LAP3: variants seen among roughly 807,000 people sequenced by gnomAD.
The protein encoded by LAP3 is cytosol aminopeptidase.
In LAP3, 46 loss-of-function variants were observed where a neutral mutation model predicts 58.8. The ratio of observed to expected loss-of-function variants is 0.78; its 90% confidence interval spans 0.62 to 1.00. The LOEUF is 1.00. LAP3 is among the 50% of genes least tolerant of loss of function. The pLI, the probability that LAP3 is intolerant of heterozygous loss-of-function variation, is 0.00. For synonymous variants in LAP3, 257 were observed against 237.7 expected, an observed-to-expected ratio of 1.08 and a Z score of -0.75; for missense variants, 615 against 659.1, an observed-to-expected ratio of 0.93 and a Z score of 0.73.
intron 10 of LAP3, among the ~76,000 whole-genome samples, chr4:17,600,409 TG>T (rs969685175): frequency 2.0e-5 from 2 of 100,160 alleles, no homozygotes; most frequent in African/African-American, 4.6e-5. Context: ...GCTTCTAGGG[TG>T]GGGGGTTGGG....
In LAP3 at chr4:17,598,540, A is replaced by G. The variant is rs770498565; in HGVS notation, c.1162A>G (p.Asn388Asp). Residue 388 changes from asparagine (N) to aspartate (D), a missense_variant, in exon 10 of 13, where the codon AAT becomes GAT. Transcript: ENST00000226299. ...AHTFNPKVIL[N>D]AATLTGAMDV... Reference sequence around the variant, plus strand: ...CACGTTTAACCCGAAGGTCATCCTCAATGCCGCCACCTTAACAGGTCAGAC... The same window carrying G: ...CACGTTTAACCCGAAGGTCATCCTCGATGCCGCCACCTTAACAGGTCAGAC... The G allele has an allele frequency of 1.9e-6, 3 of 1,613,844 alleles. No homozygotes were observed. The highest frequency in any genetic ancestry group is 2.5e-6 in the Non-Finnish European group (3 of 1,179,768).
chr4:17,607,317 T>G, intron 12 of LAP3, 83 bp from the exon 13 acceptor site: 1 of 1,186,188 alleles, frequency 8.4e-7, no homozygotes, highest in Middle Eastern at 2.0e-4. Flanking sequence ...TGTTCTTTGG[T>G]TATAGAATGT....
chr4:17,607,045 T>C, intron 12 of LAP3, 107 bp downstream of exon 12: 1 of 688,848 alleles, frequency 1.5e-6, no homozygotes, highest in Non-Finnish European at 2.4e-6. Flanking sequence ...TTTAATTTCC[T>C]TTTGGTGTAG....
At chr4:17,602,470 A>T (rs1714005096) in intron 10 of LAP3, among the ~76,000 whole-genome samples, 1 of 152,242 alleles carries the variant, frequency 6.6e-6, no homozygotes, top group Non-Finnish European at 1.5e-5. Context: ...ATGTAAAAAT[A>T]GAAGTCAGCC....
intron 4 of LAP3, 60 bp from the exon 5 acceptor site, chr4:17,583,423 G>A (rs1713416393): frequency 1.3e-6 from 2 of 1,592,018 alleles, no homozygotes; most frequent in Admixed American, 3.4e-5. Context: ...TGCCTCTGCT[G>A]TCTGCTCTTT....
At chr4:17,595,111 A>C (rs1399088959) in intron 7 of LAP3, among the ~76,000 whole-genome samples, 2 of 149,018 alleles carry the variant, frequency 1.3e-5, no homozygotes, top group Non-Finnish European at 3.0e-5. Flanking sequence ...ATCCTGGCTA[A>C]CAAGGTGAAA....
Position 17,577,484 on chromosome 4 carries a change from C to A in LAP3, c.19C>A (p.Pro7Thr). Residue 7 changes from proline (P) to threonine (T), a missense_variant, in exon 1 of 13, where the codon CCG becomes ACG. Pro to Thr is a conservative substitution (Grantham distance 38). Coordinates refer to ENST00000226299, the MANE Select transcript of LAP3 (RefSeq NM_015907.3). ...CGACAAGATGTTCTTGCTGCCTCTT[C>A]CGGCTGCGGGGCGAGTAGTCGTCCG... is the stretch of plus-strand genomic sequence containing the variant. Reference protein sequence around the residue: MFLLPLPAAGRVVVRRL... With the variant: MFLLPLTAAGRVVVRRL... 5 of 1,581,504 alleles carry A rather than the reference C, an allele frequency of 3.2e-6. No homozygotes were observed. In the South Asian group the frequency reaches 5.8e-5, roughly 18 times the overall value.
rs113805505 is a variant in LAP3 at position 17,607,256 on chromosome 4, T to G, written c.1371-144T>G. 4 of 643,774 alleles carry G rather than the reference T, an allele frequency of 6.2e-6. No homozygotes were observed. The South Asian group carries it at 6.7e-5, about 11-fold the overall frequency. The allele number at this position is 643,774 out of a possible 1,614,324, so 39.9% of individuals were successfully genotyped here. On this transcript the variant is annotated intron_variant, in intron 12 of 12. Transcript: ENST00000226299. ...AAGCAATATCTGAAAATAAATATTC[T>G]GAAACTGATATGTGGGTTAGCATCT...
intron 9 of LAP3, 65 bp from the exon 10 acceptor site, chr4:17,598,391 G>T: frequency 8.5e-7 from 1 of 1,169,832 alleles, no homozygotes. Flanking sequence ...GAACACTGTT[G>T]CAAGTGTCTA....
intron 6 of LAP3, among the ~76,000 whole-genome samples, chr4:17,586,631 T>TACTGCAGGATCAGAGGGA (rs1344673080): frequency 6.6e-6 from 1 of 151,950 alleles, no homozygotes; most frequent in Non-Finnish European, 1.5e-5. Context: ...TTGCAGAGGG[T>TACTGCAGGATCAGAGGGA]ACTGCAGGAT....
rs778350536 is a variant in LAP3, at chr4:17,588,912, CA to C, written c.801del (p.Gly268AlafsTer35). On this transcript the variant is annotated frameshift_variant, in exon 7 of 13. Coordinates refer to ENST00000226299, the MANE Select transcript of LAP3 (RefSeq NM_015907.3). LOFTEE classifies it high-confidence loss of function. ...CCCCAGTCTTCTTGGAAATTCACTA[CA>C]AAGGCAGCCCCAATGCAAACGAACC... The part of the protein sequence containing the change: ...EPPVFLEIHY[K>X]GSPNANEPPL... 1.2e-6 allele frequency: 2 copies of C among 1,614,042 alleles called. No homozygotes were observed. The highest frequency in any genetic ancestry group is 2.7e-5 in the African/African-American group (2 of 74,910).
intron 7 of LAP3, among the ~76,000 whole-genome samples, chr4:17,590,792 G>C (rs969882159): frequency 2.6e-5 from 4 of 151,922 alleles, no homozygotes; most frequent in African/African-American, 9.7e-5. Flanking sequence ...AGGTGGTCTC[G>C]ATCTCCTGAC....
intron 3 of LAP3, 103 bp from the exon 4 acceptor site, chr4:17,582,185 G>A (rs1341328695): frequency 3.3e-6 from 3 of 922,518 alleles, no homozygotes; most frequent in East Asian, 5.1e-5. Flanking sequence ...TGCAGTTAAA[G>A]TAATTGTGTG....
chr4:17,596,927 AGTTC>A, intron 8 of LAP3, 115 bp from the exon 9 acceptor site: 1 of 756,256 alleles, frequency 1.3e-6, no homozygotes, highest in South Asian at 1.6e-5. Flanking sequence ...AAATTTGATC[AGTTC>A]GTTAAGGTGG....
intron 7 of LAP3, 48 bp from the exon 8 acceptor site, chr4:17,595,362 G>C (rs762902926): frequency 6.3e-7 from 1 of 1,596,624 alleles, no homozygotes; most frequent in South Asian, 1.1e-5. Flanking sequence ...AAGTGATTTT[G>C]GCCATCTTCT....
intron 4 of LAP3, among the ~76,000 whole-genome samples, chr4:17,582,939 A>G (rs186782251): frequency 2.0e-4 from 30 of 152,370 alleles, no homozygotes; most frequent in African/African-American, 7.2e-4. Context: ...AACAGTGATA[A>G]TTGGCTTGAT....
In LAP3 at chr4:17,603,913, G is replaced by A. The variant is rs371156454; in HGVS notation, c.1181-675G>A. 1.1e-4 allele frequency among the ~76,000 whole-genome samples: 17 copies of A among 149,578 alleles called. No homozygotes were observed. The South Asian group carries it at 2.1e-3, about 19-fold the overall frequency. Reference sequence around the variant, plus strand: ...ATGATCTCAGCTCACTGCAACCTCCGCCTCCTGGGTTCAAGCAATTCTCCC... The same window carrying A: ...ATGATCTCAGCTCACTGCAACCTCCACCTCCTGGGTTCAAGCAATTCTCCC... On this transcript the variant is annotated intron_variant, in intron 10 of 12. Transcript: ENST00000226299.
intron 7 of LAP3, among the ~76,000 whole-genome samples, chr4:17,591,807 G>A (rs1577222178): frequency 1.3e-5 from 2 of 152,308 alleles, no homozygotes; most frequent in African/African-American, 4.8e-5. Flanking sequence ...GAGGTACACA[G>A]AAGCTTGGTC....
intron 2 of LAP3, among the ~76,000 whole-genome samples, chr4:17,580,418 G>C (rs1292151297): frequency 6.6e-6 from 1 of 151,036 alleles, no homozygotes; most frequent in African/African-American, 2.4e-5. Flanking sequence ...AATGCACTTT[G>C]GTACTTTCTG....
Sources: gnomAD v4.1 joint callset for allele counts (sites outside exome capture counted in the v4.1 genomes callset) on GRCh38, gnomAD v4.1.1 for gene constraint, MANE v1.5 for transcripts, NCBI Gene and HGNC (gene_info 2026-07-23, HGNC 2026-07-21) for gene names.